Variants in ZZZ3 observed in about 807,000 individuals in gnomAD.
ZZZ3 encodes the protein ZZ-type zinc finger-containing protein 3.
A neutral mutation model predicts 95.2 loss-of-function variants in ZZZ3; 22 were observed. The ratio of observed to expected loss-of-function variants is 0.23; its 90% CI spans 0.17 to 0.33. The LOEUF is 0.33. Ranked by LOEUF, ZZZ3 falls within the 10% of genes least tolerant of loss-of-function variation. ZZZ3 has a pLI of 1.00. For missense variants in ZZZ3, 885 were observed against 1,066.5 expected, an observed-to-expected ratio of 0.83 and a Z score of 2.37; for synonymous variants, 335 against 358.9, an observed-to-expected ratio of 0.93 and a Z score of 0.75.
intron 13 of ZZZ3, among the ~76,000 whole-genome samples, chr1:77,567,934 C>A (rs1660980545): frequency 1.3e-5 from 2 of 152,160 alleles, no homozygotes; most frequent in South Asian, 4.2e-4. Flanking sequence ...AAACTCTTCA[C>A]ATCAGGAACG....
chr1:77,640,024 TA>T (rs1224897998), intron 3 of ZZZ3, among the ~76,000 whole-genome samples: 1 of 151,946 alleles, frequency 6.6e-6, no homozygotes, highest in Admixed American at 6.6e-5. Context: ...CAAGTATACA[TA>T]ACCATTTAGG....
At chr1:77,603,368 C>G (rs570660093) in intron 5 of ZZZ3, among the ~76,000 whole-genome samples, 21 of 152,268 alleles carry the variant, frequency 1.4e-4, no homozygotes, top group African/African-American at 4.8e-4. Flanking sequence ...AATGAGCCAC[C>G]ATGCCTGGCC....
chr1:77,681,494 A>T (rs923191841), intron 1 of ZZZ3, among the ~76,000 whole-genome samples: 7 of 152,248 alleles, frequency 4.6e-5, no homozygotes, highest in African/African-American at 1.4e-4. Flanking sequence ...ACATTAGGGA[A>T]TTGGAGAGAA....
At chr1:77,660,205 AT>A (rs1670663100) in intron 1 of ZZZ3, among the ~76,000 whole-genome samples, 2 of 152,070 alleles carry the variant, frequency 1.3e-5, no homozygotes, top group Admixed American at 6.5e-5. Flanking sequence ...CCCCTCCCCA[AT>A]ATTTTTTTTT....
chr1:77,617,636 C>T (rs1001122453), intron 5 of ZZZ3, among the ~76,000 whole-genome samples: 1 of 151,968 alleles, frequency 6.6e-6, no homozygotes, highest in Non-Finnish European at 1.5e-5. Context: ...TTGGAGTATA[C>T]ATCTAAAAGT....
chr1:77,669,203 A>C (rs975668741), intron 1 of ZZZ3, among the ~76,000 whole-genome samples: 1 of 152,208 alleles, frequency 6.6e-6, no homozygotes, highest in Admixed American at 6.5e-5. Flanking sequence ...TAACCACCAC[A>C]GACAAGAACT....
intron 5 of ZZZ3, among the ~76,000 whole-genome samples, chr1:77,629,496 G>A (rs781115855): frequency 1.1e-4 from 16 of 152,058 alleles, no homozygotes; most frequent in Non-Finnish European, 2.4e-4. Context: ...GCGTACACCT[G>A]TAGTCCCAGC....
intron 5 of ZZZ3, among the ~76,000 whole-genome samples, chr1:77,613,809 G>A (rs1372772058): frequency 2.0e-5 from 3 of 151,814 alleles, no homozygotes; most frequent in Admixed American, 1.3e-4. Flanking sequence ...CCCCTATGTC[G>A]AATATATATT....
At chr1:77,671,041 A>G (rs889990001) in intron 1 of ZZZ3, among the ~76,000 whole-genome samples, 3 of 151,846 alleles carry the variant, frequency 2.0e-5, no homozygotes, top group Admixed American at 2.0e-4. Context: ...TTTTAAAAAA[A>G]AAAAAACTTC....
chr1:77,590,550 C>T (rs1248179345), intron 5 of ZZZ3, among the ~76,000 whole-genome samples: 1 of 152,242 alleles, frequency 6.6e-6, no homozygotes, highest in African/African-American at 2.4e-5. Flanking sequence ...TATTTACTAT[C>T]TGGTCCTTTA....
intron 5 of ZZZ3, among the ~76,000 whole-genome samples, chr1:77,601,551 A>G (rs1185731664): frequency 6.6e-6 from 1 of 152,166 alleles, no homozygotes; most frequent in Non-Finnish European, 1.5e-5. Context: ...GGCCAATAGA[A>G]AGGTTGATTT....
chr1:77,593,651 A>G (rs997216684), intron 5 of ZZZ3, among the ~76,000 whole-genome samples: 6 of 152,204 alleles, frequency 3.9e-5, no homozygotes, highest in African/African-American at 1.4e-4. Flanking sequence ...TAACCTGGAT[A>G]GTGATTAAAC....
chr1:77,581,634 A>C (rs1256321223), intron 8 of ZZZ3, 142 bp downstream of exon 8: 3 of 643,798 alleles, frequency 4.7e-6, no homozygotes, highest in Non-Finnish European at 7.7e-6. Flanking sequence ...CTCCAACCTA[A>C]GTTTCTCTTA....
intron 13 of ZZZ3, among the ~76,000 whole-genome samples, chr1:77,566,775 A>C (rs1372739022): frequency 6.6e-6 from 1 of 152,212 alleles, no homozygotes; most frequent in Non-Finnish European, 1.5e-5. Context: ...CCATCATGTC[A>C]AAAAGGCAGA....
chr1:77,610,660 T>C (rs1665701811), intron 5 of ZZZ3, among the ~76,000 whole-genome samples: 1 of 151,594 alleles, frequency 6.6e-6, no homozygotes, highest in Admixed American at 6.6e-5. Context: ...TGGTTCAACA[T>C]ATGCAAATCA....
At chr1:77,671,833 T>C (rs1671813468) in intron 1 of ZZZ3, among the ~76,000 whole-genome samples, 1 of 152,066 alleles carries the variant, frequency 6.6e-6, no homozygotes, top group African/African-American at 2.4e-5. Flanking sequence ...CCTCCCCACA[T>C]CCACAAGCGA....
At chr1:77,622,856 G>C (rs548293030) in intron 5 of ZZZ3, among the ~76,000 whole-genome samples, 2 of 152,206 alleles carry the variant, frequency 1.3e-5, no homozygotes, top group East Asian at 3.9e-4. Flanking sequence ...TTAAAAAAAA[G>C]AAGTTGCTGA....
At chr1:77,606,361 C>A (rs1383261244) in intron 5 of ZZZ3, among the ~76,000 whole-genome samples, 1 of 152,194 alleles carries the variant, frequency 6.6e-6, no homozygotes, top group Non-Finnish European at 1.5e-5. Flanking sequence ...TTTTTTACTT[C>A]AGTCCCTGGC....
chr1:77,648,041 G>C lies in ZZZ3; in HGVS notation c.-402-6386C>G, dbSNP rs189801135. ...ATCCAGCTCCAAACAAGGTAAAATT[G>C]AGAATGCCTGGAATCCAATCAGAAA... On this transcript the variant is annotated intron_variant, in intron 1 of 14. Coordinates refer to ENST00000370801, the MANE Select transcript of ZZZ3 (RefSeq NM_015534.6). 2.0e-5 allele frequency among the ~76,000 whole-genome samples: 3 copies of C among 152,234 alleles called. No individual in the cohort carries two copies. The East Asian group carries it at 5.8e-4, about 29-fold the overall frequency.
Sources: gnomAD v4.1 joint callset for allele counts (sites outside exome capture counted in the v4.1 genomes callset) on GRCh38, gnomAD v4.1.1 for gene constraint, MANE v1.5 for transcripts, NCBI Gene and HGNC (gene_info 2026-07-23, HGNC 2026-07-21) for gene names.